The following KLC1 variants were observed in gnomAD, a reference collection of about 807,000 sequenced individuals.
The protein encoded by KLC1 is kinesin light chain 1, also known as kinesin 2 60/70kDa.
In KLC1, 30 loss-of-function variants were observed where a neutral mutation model predicts 84.2. That is an observed-to-expected ratio of 0.36 (90% CI 0.27 to 0.48). KLC1 has a LOEUF of 0.48. Ranked by LOEUF, KLC1 falls within the 20% of genes least tolerant of loss-of-function variation. The pLI is 0.99. For synonymous variants in KLC1, 289 were observed against 293.3 expected (o/e 0.99, Z 0.15); for missense variants, 499 against 805.4 (o/e 0.62, Z 4.60).
chr14:103,659,231 C>T (rs113125736), intron 3 of KLC1, among the ~76,000 whole-genome samples: 1,637 of 152,350 alleles, frequency 0.011, 34 homozygotes, highest in African/African-American at 0.037. Context: ...TCCCAAAGTG[C>T]TGGGATTACA....
intron 15 of KLC1, chr14:103,696,092 G>GCCCCCCCCCCCCCCCCCCCCCC (rs746987341): frequency 2.6e-6 from 2 of 758,922 alleles, no homozygotes; most frequent in African/African-American, 5.7e-5. Flanking sequence ...TAATCACTGC[G>GCCCCCCCCCCCCCCCCCCCCCC]CCCCCGCCCC....
rs937871325 is a variant in KLC1, at chr14:103,694,624, G to A, written c.1848+2199G>A. 2 of 985,414 alleles carry A rather than the reference G, an allele frequency of 2.0e-6. No homozygotes were observed. Among genetic ancestry groups the A allele is most frequent in the Non-Finnish European group, 2.4e-6 (2 of 829,944 alleles). 61.0% of individuals were successfully genotyped at this position (985,414 alleles called of 1,614,324 possible). A position where few individuals can be genotyped will look rare whatever the true frequency, so the allele number is the denominator to read the frequency against. Reference sequence around the variant, plus strand: ...GTGATCAGTGATTCCAAAGGCTGACGCTCAGCAGCGCCACCTCCATGCCAG... The same window carrying A: ...GTGATCAGTGATTCCAAAGGCTGACACTCAGCAGCGCCACCTCCATGCCAG... On this transcript the variant is annotated intron_variant, in intron 15 of 16. Coordinates refer to ENST00000334553, the MANE Select transcript of KLC1 (RefSeq NM_001394837.1). This position sits in a 1 kb window ranked among gnomAD's most constrained non-coding sequence, Gnocchi z 4.5.
At chr14:103,634,283 G>A (rs1034160661) in intron 1 of KLC1, among the ~76,000 whole-genome samples, 1 of 152,084 alleles carries the variant, frequency 6.6e-6, no homozygotes, top group Admixed American at 6.6e-5. Flanking sequence ...GGTGCTTGGC[G>A]TGTAATAGGA....
intron 15 of KLC1, chr14:103,699,780 C>T (rs1338395894): frequency 1.6e-6 from 1 of 622,712 alleles, no homozygotes; most frequent in East Asian, 2.8e-5. Context: ...TTCAGGCTCA[C>T]ACAACTGGTT....
intron 1 of KLC1, 52 bp downstream of exon 1, chr14:103,629,546 C>T (rs1300345930): frequency 6.6e-6 from 1 of 152,550 alleles, no homozygotes; most frequent in East Asian, 1.9e-4. Flanking sequence ...ATCCTCCGCC[C>T]CGTCCCTGTC....
chr14:103,680,582 ACTGT>A (rs1410778179), intron 13 of KLC1, among the ~76,000 whole-genome samples: 1 of 152,182 alleles, frequency 6.6e-6, no homozygotes, highest in African/African-American at 2.4e-5. Flanking sequence ...ATTCTCTTTG[ACTGT>A]CTATCTGGCA....
At chr14:103,651,895 GC>G (rs2078474111) in intron 1 of KLC1, among the ~76,000 whole-genome samples, 1 of 152,132 alleles carries the variant, frequency 6.6e-6, no homozygotes, top group Admixed American at 6.6e-5. Context: ...GTTGGCCATT[GC>G]CCCCCACCAC....
intron 1 of KLC1, among the ~76,000 whole-genome samples, chr14:103,629,716 C>T (rs770890898): frequency 6.7e-6 from 1 of 149,402 alleles, no homozygotes; most frequent in African/African-American, 2.4e-5. Flanking sequence ...GGGTTCTTGT[C>T]CCCGGCCCTT....
At chr14:103,646,940 C>A (rs1418065799) in intron 1 of KLC1, among the ~76,000 whole-genome samples, 1 of 152,076 alleles carries the variant, frequency 6.6e-6, no homozygotes, top group African/African-American at 2.4e-5. Context: ...TTCATATTAC[C>A]TCTGCTTGGA....
At chr14:103,699,102 A>G (rs950190832) in intron 15 of KLC1, 4 of 1,568,862 alleles carry the variant, frequency 2.5e-6, no homozygotes, top group Non-Finnish European at 3.5e-6. Context: ...GCACCTGCAC[A>G]GAGGTGCACA....
chr14:103,695,136 G>T, intron 15 of KLC1: 1 of 976,630 alleles, frequency 1.0e-6, no homozygotes, highest in East Asian at 1.2e-4. Context: ...TAGTGGATGG[G>T]ATTAAAAGAA....
At chr14:103,670,654 A>C (rs1158489414) in intron 7 of KLC1, among the ~76,000 whole-genome samples, 1 of 151,564 alleles carries the variant, frequency 6.6e-6, no homozygotes, top group African/African-American at 2.4e-5. Flanking sequence ...TGTTTTTAAA[A>C]ATTTTTCGGT....
At chr14:103,668,486 T>G (rs796576207) in intron 5 of KLC1, among the ~76,000 whole-genome samples, 103 of 152,314 alleles carry the variant, frequency 6.8e-4, no homozygotes, top group African/African-American at 2.4e-3. Flanking sequence ...TTTTCTTTTT[T>G]TTTTCTTTTG....
chr14:103,693,670 T>TGCCACGCCCC lies in KLC1; in HGVS notation c.1848+1246_1848+1255dup. ...TTGGGAGTGTGAGACCGCCCCGCCCTGCCACGCCCCTCACCGCCCTGCCCG... is the reference window on the plus strand; with the variant it reads ...TTGGGAGTGTGAGACCGCCCCGCCCTGCCACGCCCCGCCACGCCCCTCACCGCCCTGCCCG... On this transcript the variant is annotated intron_variant, in intron 15 of 16. Transcript: ENST00000334553. The surrounding 1 kb of genome is among the most constrained non-coding windows in gnomAD (Gnocchi z 5.1). 1 of 1,528,098 alleles carries TGCCACGCCCC rather than the reference T, an allele frequency of 6.5e-7. No homozygotes were observed. Among genetic ancestry groups the TGCCACGCCCC allele is most frequent in the Admixed American group, 2.0e-5 (1 of 50,564 alleles). The allele number at this position is 1,528,098 out of a possible 1,614,324, so 94.7% of individuals were successfully genotyped here. A position where few individuals can be genotyped will look rare whatever the true frequency, so the allele number is the denominator to read the frequency against.
intron 5 of KLC1, among the ~76,000 whole-genome samples, chr14:103,667,367 A>G (rs1461813658): frequency 1.3e-5 from 2 of 152,214 alleles, no homozygotes; most frequent in East Asian, 3.9e-4. Flanking sequence ...TCAGCCTCCC[A>G]GAGTGCTGGG....
In KLC1 at chr14:103,673,002, T is replaced by C. The variant is rs373066232; in HGVS notation, c.988-12T>C. 1.5e-4 allele frequency: 241 copies of C among 1,613,590 alleles called. No individual in the cohort carries two copies. The highest frequency in any genetic ancestry group is 1.8e-4 in the Non-Finnish European group (211 of 1,179,738). On this transcript the variant is annotated splice_polypyrimidine_tract_variant and intron_variant, in intron 7 of 16. Coordinates refer to ENST00000334553, the MANE Select transcript of KLC1 (RefSeq NM_001394837.1). Reference sequence around the variant, plus strand: ...GAACAAGTGTCTCTAATATGCTGTTTTTTATTTTCAGGTTTTGGGGAAGGA... The same window carrying C: ...GAACAAGTGTCTCTAATATGCTGTTCTTTATTTTCAGGTTTTGGGGAAGGA...
In KLC1 at chr14:103,694,301, G is replaced by C. The variant is rs1431532038; in HGVS notation, c.1848+1876G>C. Reference sequence around the variant, plus strand: ...GAGTCTAACTCTGTTGCCCAGGCTGGAGCGCAGTGGCCCAATCTCGGCCCA... The same window carrying C: ...GAGTCTAACTCTGTTGCCCAGGCTGCAGCGCAGTGGCCCAATCTCGGCCCA... On this transcript the variant is annotated intron_variant, in intron 15 of 16. Coordinates refer to ENST00000334553, the MANE Select transcript of KLC1 (RefSeq NM_001394837.1). The surrounding 1 kb of genome is among the most constrained non-coding windows in gnomAD (Gnocchi z 4.5). The C allele has an allele frequency of 4.1e-6, 4 of 968,596 alleles. No individual in the cohort carries two copies. The highest frequency in any genetic ancestry group is 4.9e-6 in the Non-Finnish European group (4 of 816,274). 60.0% of individuals were successfully genotyped at this position (968,596 alleles called of 1,614,324 possible).
chr14:103,690,223 C>T (rs1018797741), intron 14 of KLC1, among the ~76,000 whole-genome samples: 6 of 151,800 alleles, frequency 4.0e-5, no homozygotes, highest in African/African-American at 9.7e-5. Context: ...GCAAGAATAA[C>T]TGAGTATGTC....
In KLC1 at chr14:103,673,033, C is replaced by G; in HGVS notation, c.1007C>G (p.Pro336Arg). Residue 336 changes from proline to arginine, a missense_variant, in exon 8 of 17, where the codon CCC (proline) becomes CGC (arginine). Physicochemically the swap from Pro to Arg is moderately radical, Grantham distance 103. Around this residue, in one of 3 missense-constraint regions of KLC1, gnomAD observed 153 missense variants for 332.4 expected, o/e 0.46. Transcript: ENST00000334553. The part of the protein sequence containing the change: ...IREKVLGKDH[P>R]DVAKQLNNLA... ...TTTCAGGTTTTGGGGAAGGATCACC[C>G]CGATGTTGCCAAGCAGTTAAATAAC... 1 of 1,613,854 alleles carries G rather than the reference C, an allele frequency of 6.2e-7. No individual in the cohort carries two copies. Among genetic ancestry groups the G allele is most frequent in the Non-Finnish European group, 8.5e-7 (1 of 1,179,960 alleles).
Sources: gnomAD v4.1 joint callset for allele counts (sites outside exome capture counted in the v4.1 genomes callset) on GRCh38, gnomAD v4.1.1 for gene constraint, gnomAD v4.1.1 regional missense constraint, Gnocchi (gnomAD v3.1) non-coding constraint, MANE v1.5 for transcripts, NCBI Gene and HGNC (gene_info 2026-07-23, HGNC 2026-07-21) for gene names.